Variants in SLC22A16 observed in about 807,000 individuals in gnomAD.
SLC22A16 encodes the protein solute carrier family 22 member 16.
Under a neutral mutation model 52.9 loss-of-function variants are expected in SLC22A16, and 53 were observed. The ratio of observed to expected loss-of-function variants is 1.00; its 90% CI spans 0.80 to 1.26. SLC22A16 has a LOEUF of 1.26. Among genes scored for constraint, SLC22A16 ranks in the 50% most tolerant of loss-of-function variants. The probability of loss-of-function intolerance (pLI) is 0.00; values close to 1 mark genes in which losing one functional copy is unlikely to be tolerated. For synonymous variants in SLC22A16, 291 were observed against 268.8 expected (o/e 1.08, Z -0.81); for missense variants, 726 against 704.0 (o/e 1.03, Z -0.35).
intron 1 of SLC22A16, chr6:110,476,269 TGCCC>T (rs1776472179): frequency 3.3e-6 from 4 of 1,205,830 alleles, no homozygotes; most frequent in East Asian, 3.0e-5. Context: ...AGGTCCCTCC[TGCCC>T]GGCAACAGGC....
At chr6:110,464,523 A>G (rs766352247) in intron 1 of SLC22A16, among the ~76,000 whole-genome samples, 3 of 152,106 alleles carry the variant, frequency 2.0e-5, no homozygotes, top group Non-Finnish European at 4.4e-5. Flanking sequence ...GAACATCTCT[A>G]AGTGCACACA....
At chr6:110,458,357 C>T (rs1295816144) in intron 1 of SLC22A16, among the ~76,000 whole-genome samples, 1 of 152,156 alleles carries the variant, frequency 6.6e-6, no homozygotes, top group East Asian at 1.9e-4. Flanking sequence ...GTCCCCCAGG[C>T]CCAGCTGTCT....
intron 2 of SLC22A16, chr6:110,453,600 A>G (rs1775466937): frequency 2.2e-6 from 1 of 456,218 alleles, no homozygotes; most frequent in Non-Finnish European, 4.4e-6. Flanking sequence ...CAATGAGTCC[A>G]GATGACACTT....
At chr6:110,433,960 G>T (rs1460005998) in intron 6 of SLC22A16, among the ~76,000 whole-genome samples, 1 of 152,170 alleles carries the variant, frequency 6.6e-6, no homozygotes, top group Non-Finnish European at 1.5e-5. Context: ...AGTCTGACGG[G>T]CCGGACGCAG....
chr6:110,424,745 A>C lies in SLC22A16; in HGVS notation c.*128T>G. 8.8e-7 allele frequency: 1 copy of C among 1,130,048 alleles called. No homozygotes were observed. Among genetic ancestry groups the C allele is most frequent in the Non-Finnish European group, 1.2e-6 (1 of 811,212 alleles). 70.0% of individuals were successfully genotyped at this position (1,130,048 alleles called of 1,614,324 possible). Reference sequence around the variant, plus strand: ...ATTTCTTTTATAACATATTTGCTTTAAAATTTTCTTACAAAATTTATTAAA... The same window carrying C: ...ATTTCTTTTATAACATATTTGCTTTCAAATTTTCTTACAAAATTTATTAAA... On this transcript the variant is annotated 3_prime_UTR_variant, in exon 8 of 8. Transcript: ENST00000368919.
chr6:110,458,724 C>T (rs2114996889), intron 1 of SLC22A16, among the ~76,000 whole-genome samples: 1 of 152,262 alleles, frequency 6.6e-6, no homozygotes, highest in Middle Eastern at 3.4e-3. Context: ...CATCCAATCA[C>T]TTGAGGGCTT....
chr6:110,425,168 C>T (rs1774206578), intron 7 of SLC22A16, 83 bp from the exon 8 acceptor site: 1 of 1,568,812 alleles, frequency 6.4e-7, no homozygotes, highest in Non-Finnish European at 8.6e-7. Context: ...TAACTGTTTT[C>T]AGAGGGTAAT....
intron 5 of SLC22A16, among the ~76,000 whole-genome samples, chr6:110,437,990 T>A (rs1485439891): frequency 2.0e-5 from 3 of 152,174 alleles, no homozygotes; most frequent in Admixed American, 2.0e-4. Flanking sequence ...CTGACTCATA[T>A]CCTTCAGATG....
intron 2 of SLC22A16, among the ~76,000 whole-genome samples, chr6:110,454,362 T>C (rs1775501440): frequency 6.6e-6 from 1 of 151,198 alleles, no homozygotes; most frequent in Non-Finnish European, 1.5e-5. Context: ...TCAGGGACCA[T>C]GTCAAACCAA....
intron 6 of SLC22A16, 73 bp downstream of exon 6, chr6:110,435,779 A>C: frequency 1.1e-5 from 12 of 1,107,970 alleles, no homozygotes; most frequent in African/African-American, 1.6e-5. Context: ...TTTACATGTA[A>C]AGGCCAAATA....
intron 1 of SLC22A16, among the ~76,000 whole-genome samples, chr6:110,457,293 G>A (rs1775700429): frequency 6.6e-6 from 1 of 152,154 alleles, no homozygotes; most frequent in Non-Finnish European, 1.5e-5. Context: ...CCAATGAGAG[G>A]AGCCAGAAAA....
chr6:110,425,332 A>C (rs762628012), intron 7 of SLC22A16: 148 of 1,434,670 alleles, frequency 1.0e-4, no homozygotes, highest in Non-Finnish European at 1.3e-4. Context: ...GTGCCTCCTT[A>C]ATTGCCAGCT....
intron 3 of SLC22A16, among the ~76,000 whole-genome samples, chr6:110,445,426 ACGT>A (rs2114949251): frequency 6.6e-6 from 1 of 152,234 alleles, no homozygotes; most frequent in Non-Finnish European, 1.5e-5. Context: ...TGGCTGATCA[ACGT>A]CTTGCCTTTC....
intron 3 of SLC22A16, among the ~76,000 whole-genome samples, chr6:110,444,073 TA>T (rs143936029): frequency 0.01 from 1,548 of 152,296 alleles, 20 homozygotes; most frequent in African/African-American, 0.036. Context: ...TGAATGCACT[TA>T]ATATCACTCA....
intron 1 of SLC22A16, among the ~76,000 whole-genome samples, chr6:110,466,500 CA>C (rs1776066604): frequency 6.6e-6 from 1 of 151,782 alleles, no homozygotes; most frequent in Non-Finnish European, 1.5e-5. Flanking sequence ...AGAAGACATA[CA>C]AGCAGCCAAC....
rs1242035477 is a variant in SLC22A16 at position 110,435,883 on chromosome 6, A to C, written c.1390T>G (p.Tyr464Asp). 7 of 1,613,644 alleles carry C rather than the reference A, an allele frequency of 4.3e-6. No individual in the cohort carries two copies. Among genetic ancestry groups the C allele is most frequent in the Non-Finnish European group, 5.9e-6 (7 of 1,179,678 alleles). Residue 464 changes from tyrosine (Y) to aspartate (D), a missense_variant, in exon 6 of 8, where the codon TAT becomes GAT. Tyr to Asp is a radical substitution (Grantham distance 160). Coordinates refer to ENST00000368919, the MANE Select transcript of SLC22A16 (RefSeq NM_033125.4). ...ATGGTTGGATACAGCTCAGCTGTAT[A>C]AAGATAAATGAGGCCAAATGCTGCC... ...IGAAFGLIYL[Y>D]TAELYPTIVR... is the part of the protein sequence containing the mutation.
chr6:110,461,073 C>G (rs1046832291), intron 1 of SLC22A16, among the ~76,000 whole-genome samples: 6 of 152,328 alleles, frequency 3.9e-5, no homozygotes, highest in Admixed American at 1.3e-4. Context: ...CTTTCTAGCA[C>G]TTTTCACAGT....
chr6:110,448,854 T>C (rs991485662), intron 2 of SLC22A16, among the ~76,000 whole-genome samples: 1 of 152,186 alleles, frequency 6.6e-6, no homozygotes, highest in Non-Finnish European at 1.5e-5. Context: ...CCCCTTTCTC[T>C]CCAAATATCA....
intron 5 of SLC22A16, among the ~76,000 whole-genome samples, chr6:110,438,314 A>C (rs996421518): frequency 1.2e-4 from 18 of 152,050 alleles, no homozygotes; most frequent in African/African-American, 4.1e-4. Flanking sequence ...TAGGATTATG[A>C]ACTTTTTATT....
Sources: allele counts gnomAD v4.1 joint callset (sites outside exome capture counted in the v4.1 genomes callset), GRCh38; gene constraint gnomAD v4.1.1; transcripts MANE v1.5; gene names NCBI Gene and HGNC (gene_info 2026-07-23, HGNC 2026-07-21).